SSPN: variants seen among roughly 807,000 people sequenced by gnomAD.
The protein encoded by SSPN is K-ras oncogene-associated protein.
A neutral mutation model predicts 19.1 loss-of-function variants in SSPN; 15 were observed. The observed-to-expected ratio is 0.78, with a 90% CI of 0.52 to 1.21. SSPN has a LOEUF of 1.21. Ranked by LOEUF, SSPN falls within the 50% of genes most tolerant of loss-of-function variation. The pLI is 0.00. For missense variants in SSPN, 291 were observed against 314.0 expected, an observed-to-expected ratio of 0.93 and a Z score of 0.55; for synonymous variants, 147 against 140.3, an observed-to-expected ratio of 1.05 and a Z score of -0.34.
intron 1 of SSPN, among the ~76,000 whole-genome samples, chr12:26,156,134 C>A (rs982438571): frequency 2.0e-5 from 3 of 152,054 alleles, no homozygotes; most frequent in Non-Finnish European, 4.4e-5. Context: ...TTTTGGCCAC[C>A]TTATGTGATT....
At chr12:26,198,976 A>G (rs971419746) in intron 1 of SSPN, among the ~76,000 whole-genome samples, 1 of 152,222 alleles carries the variant, frequency 6.6e-6, no homozygotes, top group Non-Finnish European at 1.5e-5. Flanking sequence ...GGCTGAAGCC[A>G]AGCTGAGTGA....
At chr12:26,145,843 C>T (rs749943286) in intron 1 of SSPN, among the ~76,000 whole-genome samples, 2 of 152,172 alleles carry the variant, frequency 1.3e-5, no homozygotes, top group African/African-American at 4.8e-5. Flanking sequence ...AACAAGACTC[C>T]TCATGCCCCG....
At chr12:26,223,662 T>C (rs1237805794) in intron 1 of SSPN, among the ~76,000 whole-genome samples, 1 of 152,226 alleles carries the variant, frequency 6.6e-6, no homozygotes, top group African/African-American at 2.4e-5. Flanking sequence ...TTGTGCCTTT[T>C]CTTTCTTACT....
chr12:26,225,173 T>C (rs1238119026), intron 2 of SSPN, among the ~76,000 whole-genome samples: 2 of 151,886 alleles, frequency 1.3e-5, no homozygotes, highest in African/African-American at 2.4e-5. Flanking sequence ...AGAAAACATA[T>C]AAAAACTGGA....
chr12:26,123,149 C>G, intron 1 of SSPN: 1 of 1,597,018 alleles, frequency 6.3e-7, no homozygotes, highest in Non-Finnish European at 8.6e-7. Context: ...ACTGAATGGG[C>G]GATTTCAGAG....
chr12:26,231,356 C>T lies in SSPN; in HGVS notation c.*280C>T. The T allele has an allele frequency of 3.0e-6, 1 of 329,684 alleles. No individual in the cohort carries two copies. Among genetic ancestry groups the T allele is most frequent in the Non-Finnish European group, 5.4e-6 (1 of 184,100 alleles). 20.4% of individuals were successfully genotyped at this position (329,684 alleles called of 1,614,324 possible). On this transcript the variant is annotated 3_prime_UTR_variant, in exon 3 of 3. Coordinates refer to ENST00000242729, the MANE Select transcript of SSPN (RefSeq NM_005086.5). Reference sequence around the variant, plus strand: ...AAAGAATGGCATAGATCTATCTTTACAGTCTGGAGTTAATTCCTGTTAACT... The same window carrying T: ...AAAGAATGGCATAGATCTATCTTTATAGTCTGGAGTTAATTCCTGTTAACT...
intron 1 of SSPN, chr12:26,123,023 G>A: frequency 6.4e-7 from 1 of 1,573,280 alleles, no homozygotes; most frequent in Non-Finnish European, 8.6e-7. Context: ...CGTGCAAGTG[G>A]TTGATCAGCT....
intron 1 of SSPN, chr12:26,123,936 G>A (rs996068612): frequency 2.6e-6 from 2 of 769,062 alleles, no homozygotes; most frequent in African/African-American, 3.5e-5. Flanking sequence ...TCCAGTTTGC[G>A]GGAAACTCTG....
chr12:26,198,016 T>C (rs1456598375), intron 1 of SSPN, among the ~76,000 whole-genome samples: 1 of 152,214 alleles, frequency 6.6e-6, no homozygotes, highest in African/African-American at 2.4e-5. Context: ...TTGTCCTCAC[T>C]ACTCTGTCTG....
chr12:26,200,662 G>A (rs1347913675), intron 1 of SSPN, among the ~76,000 whole-genome samples: 2 of 152,138 alleles, frequency 1.3e-5, no homozygotes, highest in Non-Finnish European at 2.9e-5. Flanking sequence ...GAAGCTAAAT[G>A]TGGTGTTAAC....
At chr12:26,215,926 C>A (rs1001839939) in intron 1 of SSPN, among the ~76,000 whole-genome samples, 2 of 152,168 alleles carry the variant, frequency 1.3e-5, no homozygotes, top group Non-Finnish European at 2.9e-5. Flanking sequence ...CTTTATAACA[C>A]AATAGTAATA....
intron 1 of SSPN, among the ~76,000 whole-genome samples, chr12:26,166,105 C>T (rs1288405609): frequency 1.3e-5 from 2 of 152,114 alleles, no homozygotes; most frequent in Admixed American, 6.5e-5. Flanking sequence ...GGGAACATCA[C>T]ACACCAGGGC....
intron 1 of SSPN, among the ~76,000 whole-genome samples, chr12:26,159,945 G>A (rs553843251): frequency 6.6e-6 from 1 of 152,266 alleles, no homozygotes; most frequent in African/African-American, 2.4e-5. Context: ...GATCCTCTCT[G>A]TAAGAGTCTG....
chr12:26,185,521 AC>A (rs1357290255), intron 1 of SSPN, among the ~76,000 whole-genome samples: 2 of 151,500 alleles, frequency 1.3e-5, no homozygotes, highest in Non-Finnish European at 2.9e-5. Context: ...TTATACCTCT[AC>A]CCCCCTGGGC....
intron 2 of SSPN, 148 bp from the exon 3 acceptor site, chr12:26,230,563 C>T (rs1945219062): frequency 1.2e-6 from 1 of 847,372 alleles, no homozygotes; most frequent in Non-Finnish European, 1.8e-6. Flanking sequence ...ATTTCCATGT[C>T]TTGGGTGTTG....
At chr12:26,123,989 T>A in intron 1 of SSPN, 1 of 1,014,546 alleles carries the variant, frequency 9.9e-7, no homozygotes, top group Non-Finnish European at 1.5e-6. Flanking sequence ...TATATTTACA[T>A]TTATTCTTAT....
intron 1 of SSPN, among the ~76,000 whole-genome samples, chr12:26,166,814 A>T (rs1944624100): frequency 6.6e-6 from 1 of 152,214 alleles, no homozygotes; most frequent in African/African-American, 2.4e-5. Context: ...TTATAGGAAA[A>T]GTTTGCTGAT....
chr12:26,135,066 C>T (rs1944417665), intron 1 of SSPN: 1 of 152,226 alleles, frequency 6.6e-6, no homozygotes, highest in African/African-American at 2.4e-5. Flanking sequence ...ACTTTTACTT[C>T]CTTTCGCAGT....
chr12:26,160,983 C>T (rs984218947), intron 1 of SSPN, among the ~76,000 whole-genome samples: 30 of 151,902 alleles, frequency 2.0e-4, no homozygotes, highest in African/African-American at 7.2e-4. Context: ...TGGCATTCAT[C>T]TGTAGTCTTA....
Sources: allele counts gnomAD v4.1 joint callset (sites outside exome capture counted in the v4.1 genomes callset), GRCh38; gene constraint gnomAD v4.1.1; transcripts MANE v1.5; gene names NCBI Gene and HGNC (gene_info 2026-07-23, HGNC 2026-07-21).